CPNE5: variants seen among roughly 807,000 people sequenced by gnomAD.
The protein encoded by CPNE5 is copine-5.
A neutral mutation model predicts 81.1 loss-of-function variants in CPNE5; 42 were observed. The observed-to-expected ratio is 0.52, with a 90% CI of 0.40 to 0.67. The LOEUF is 0.67. Ranked by LOEUF, CPNE5 falls within the 30% of genes least tolerant of loss-of-function variation. CPNE5 has a pLI of 0.00. For missense variants in CPNE5, 612 were observed against 815.5 expected (o/e 0.75, Z 3.04); for synonymous variants, 313 against 321.5 (o/e 0.97, Z 0.28).
intron 3 of CPNE5, among the ~76,000 whole-genome samples, chr6:36,806,443 G>C (rs969087531): frequency 1.3e-5 from 2 of 152,052 alleles, no homozygotes; most frequent in Admixed American, 6.5e-5. Flanking sequence ...CACCAGGCAG[G>C]CCCTCCACCT....
intron 11 of CPNE5, among the ~76,000 whole-genome samples, chr6:36,764,878 G>A (rs1434980413): frequency 2.6e-5 from 4 of 152,224 alleles, no homozygotes; most frequent in African/African-American, 4.8e-5. Flanking sequence ...GTTGTGGGGA[G>A]TCTCTGAGGG....
rs1767371664 is a variant in CPNE5 at position 36,774,963 on chromosome 6, ATCGTAGTCGCCG to A, written c.723_734del (p.Gly242_Asp245del). ...GAAGGGACATTTTCTCATCTCACCG[ATCGTAGTCGCCG>A]TTGCAGAGGGCTCTCACGGGAATGG... On this transcript the variant is annotated inframe_deletion, in exon 10 of 21. Transcript: ENST00000244751. 1 of 1,612,394 alleles carries A rather than the reference ATCGTAGTCGCCG, an allele frequency of 6.2e-7. No individual in the cohort carries two copies. The highest frequency in any genetic ancestry group is 1.1e-5 in the South Asian group (1 of 91,030).
At chr6:36,745,270 A>G in intron 17 of CPNE5, 118 bp downstream of exon 17, 2 of 1,423,760 alleles carry the variant, frequency 1.4e-6, no homozygotes, top group Non-Finnish European at 9.6e-7. Flanking sequence ...CTTCAGGGTC[A>G]GGGCTCCCTG....
In CPNE5 at chr6:36,756,229, C is replaced by T. The variant is rs200517483; in HGVS notation, c.909+16G>A. On this transcript the variant is annotated intron_variant, in intron 13 of 20. Transcript: ENST00000244751. ...AATGTCTACACCCGGCTGCAGAGACCGGGGTGGCTACTCACTGTGCCAGAA... is the reference window on the plus strand; with the variant it reads ...AATGTCTACACCCGGCTGCAGAGACTGGGGTGGCTACTCACTGTGCCAGAA... 1.1e-5 allele frequency: 18 copies of T among 1,611,826 alleles called. No individual in the cohort carries two copies. The highest frequency in any genetic ancestry group is 1.7e-5 in the Admixed American group (1 of 59,906).
intron 8 of CPNE5, among the ~76,000 whole-genome samples, chr6:36,782,285 T>C (rs936075641): frequency 2.6e-5 from 4 of 152,188 alleles, no homozygotes; most frequent in Non-Finnish European, 4.4e-5. Flanking sequence ...CAGCCTGCAC[T>C]GGTTGACTAT....
In CPNE5 at chr6:36,752,963, C is replaced by A; in HGVS notation, c.971+71G>T. 2.3e-6 allele frequency: 3 copies of A among 1,300,716 alleles called. No individual in the cohort carries two copies. In the Admixed American group the frequency reaches 5.1e-5, roughly 22 times the overall value. 80.6% of individuals were successfully genotyped at this position (1,300,716 alleles called of 1,614,324 possible). A position where few individuals can be genotyped will look rare whatever the true frequency, so the allele number is the denominator to read the frequency against. ...TGAAGAGGCCAGGGTGGGGCCAGAG[C>A]CGGTCCTGTCGGTGTGTGGGGCCCT... On this transcript the variant is annotated intron_variant, in intron 14 of 20. Transcript: ENST00000244751.
At chr6:36,779,643 G>A (rs1300315787) in intron 8 of CPNE5, among the ~76,000 whole-genome samples, 3 of 152,178 alleles carry the variant, frequency 2.0e-5, no homozygotes, top group Non-Finnish European at 4.4e-5. Context: ...GCAGGGAGTG[G>A]CTTCCCCAAG....
chr6:36,827,937 T>G (rs1772650177), intron 1 of CPNE5, among the ~76,000 whole-genome samples: 1 of 152,176 alleles, frequency 6.6e-6, no homozygotes, highest in Admixed American at 6.5e-5. Context: ...GGAGCTTGGC[T>G]TCTTTTGTTC....
At chr6:36,797,241 G>A (rs753178054) in intron 6 of CPNE5, among the ~76,000 whole-genome samples, 5 of 152,232 alleles carry the variant, frequency 3.3e-5, no homozygotes, top group Non-Finnish European at 7.3e-5. Flanking sequence ...AGGGGACAGC[G>A]TCCAGTGGGA....
At chr6:36,838,439 C>A (rs1204991623) in intron 1 of CPNE5, among the ~76,000 whole-genome samples, 2 of 152,196 alleles carry the variant, frequency 1.3e-5, no homozygotes, top group African/African-American at 4.8e-5. Flanking sequence ...GCCACCCATA[C>A]CCTCTTACTG....
intron 7 of CPNE5, among the ~76,000 whole-genome samples, chr6:36,793,752 C>A (rs1769307916): frequency 3.3e-5 from 5 of 152,246 alleles, no homozygotes; most frequent in Admixed American, 1.3e-4. Flanking sequence ...GCCCCTTCCC[C>A]ACCTGCAGCT....
intron 13 of CPNE5, chr6:36,754,964 C>T (rs1765264258): frequency 1.3e-5 from 2 of 152,130 alleles, no homozygotes; most frequent in South Asian, 4.1e-4. Context: ...TAAGAAACAC[C>T]GCAGCCTTGG....
intron 8 of CPNE5, among the ~76,000 whole-genome samples, chr6:36,781,165 A>C (rs1282938390): frequency 6.6e-6 from 1 of 152,158 alleles, no homozygotes; most frequent in Non-Finnish European, 1.5e-5. Context: ...GACCTGCCCA[A>C]GGAGGTGCCC....
rs183437097 is a variant in CPNE5, at chr6:36,745,147, A to C, written c.1332T>G (p.Asn444Lys). ...FAPVVTHVAR[N>K]AAAVQDGSQY... ...GGGAGCCATCCTGCACGGCCGCTGC[A>C]TTCCTGGGTGGGGCAGGTGTGGGCT... The change falls in exon 18 of 21, where the codon AAT (asparagine) becomes AAG (lysine). Residue 444 changes from asparagine to lysine, a missense_variant. Physicochemically the swap from Asn to Lys is moderately conservative, Grantham distance 94. Transcript: ENST00000244751. 5.1e-4 allele frequency: 823 copies of C among 1,612,894 alleles called. 11 individuals carry two copies. The Admixed American group carries it at 0.014, about 26-fold the overall frequency.
chr6:36,779,556 G>C, intron 8 of CPNE5, among the ~76,000 whole-genome samples: 1 of 152,312 alleles, frequency 6.6e-6, no homozygotes, highest in African/African-American at 2.4e-5. Context: ...CAACTCATGA[G>C]AGGCTCACCC....
chr6:36,809,195 C>T (rs558891529), intron 3 of CPNE5, among the ~76,000 whole-genome samples: 1 of 151,686 alleles, frequency 6.6e-6, no homozygotes, highest in South Asian at 2.1e-4. Flanking sequence ...GCAGCCCCTA[C>T]GCAGAGAGAG....
At chr6:36,789,037 T>G (rs1768856391) in intron 8 of CPNE5, among the ~76,000 whole-genome samples, 1 of 152,220 alleles carries the variant, frequency 6.6e-6, no homozygotes, top group African/African-American at 2.4e-5. Flanking sequence ...TCCCACTGAA[T>G]GCTGAGCTGG....
intron 15 of CPNE5, among the ~76,000 whole-genome samples, chr6:36,747,182 T>A (rs1297490820): frequency 6.6e-6 from 1 of 152,184 alleles, no homozygotes; most frequent in Non-Finnish European, 1.5e-5. Flanking sequence ...CTCAGTGTGA[T>A]CTTTTCCAAG....
chr6:36,758,976 G>GTTAA (rs2150402441), intron 12 of CPNE5, among the ~76,000 whole-genome samples: 1 of 152,370 alleles, frequency 6.6e-6, no homozygotes, highest in South Asian at 2.1e-4. Flanking sequence ...TAGGCAAGCT[G>GTTAA]TTAAGATGAG....
Sources: gnomAD v4.1 joint callset for allele counts (sites outside exome capture counted in the v4.1 genomes callset) on GRCh38, gnomAD v4.1.1 for gene constraint, MANE v1.5 for transcripts, NCBI Gene and HGNC (gene_info 2026-07-23, HGNC 2026-07-21) for gene names.